Variants in CEP112 observed in about 807,000 individuals in gnomAD.
CEP112 encodes the protein centrosomal protein of 112 kDa.
Under a neutral mutation model 153.0 loss-of-function variants are expected in CEP112, and 127 were observed. That is an observed-to-expected ratio of 0.83 (90% CI 0.72 to 0.96). The LOEUF is 0.96. CEP112 is among the 40% of genes least tolerant of loss of function. The pLI is 0.00. For missense variants in CEP112, 1,089 were observed against 1,101.2 expected (o/e 0.99, Z 0.16); for synonymous variants, 358 against 374.4 (o/e 0.96, Z 0.51).
chr17:65,774,064 G>A (rs957384628), intron 21 of CEP112, among the ~76,000 whole-genome samples: 2 of 147,864 alleles, frequency 1.4e-5, no homozygotes, highest in Admixed American at 1.4e-4. Context: ...TCCAGCCTGG[G>A]TGACAAAGTG....
At chr17:66,129,137 A>T (rs1279506928) in intron 6 of CEP112, among the ~76,000 whole-genome samples, 1 of 152,230 alleles carries the variant, frequency 6.6e-6, no homozygotes, top group Non-Finnish European at 1.5e-5. Context: ...TTTAAAAGCT[A>T]AACTTCTCAA....
intron 21 of CEP112, among the ~76,000 whole-genome samples, chr17:65,762,857 T>C (rs2052696059): frequency 6.6e-6 from 1 of 152,044 alleles, no homozygotes; most frequent in Non-Finnish European, 1.5e-5. Flanking sequence ...GTTAGGTCAA[T>C]TATGAAGAAA....
intron 21 of CEP112, among the ~76,000 whole-genome samples, chr17:65,795,492 T>A (rs944073493): frequency 3.9e-5 from 6 of 152,160 alleles, no homozygotes. Context: ...TTCTTACAAG[T>A]ACTATACTAG....
At chr17:65,898,727 T>A (rs892339281) in intron 20 of CEP112, among the ~76,000 whole-genome samples, 1 of 152,276 alleles carries the variant, frequency 6.6e-6, no homozygotes, top group South Asian at 2.1e-4. Flanking sequence ...TGCATTTAAT[T>A]TGCATGATAC....
chr17:65,780,999 A>G (rs2053964576), intron 21 of CEP112, among the ~76,000 whole-genome samples: 1 of 152,168 alleles, frequency 6.6e-6, no homozygotes, highest in African/African-American at 2.4e-5. Context: ...ATATATTTGC[A>G]CTAAGCTATG....
In CEP112 at chr17:65,897,694, T is replaced by C. The variant is rs1056880996; in HGVS notation, c.2163+4458A>G. Among the ~76,000 whole-genome samples the C allele has an allele frequency of 5.3e-5, 8 of 152,076 alleles. 1 individual carries two copies. The highest frequency in any genetic ancestry group is 1.7e-4 in the African/African-American group (7 of 41,438). On this transcript the variant is annotated intron_variant, in intron 20 of 26. Coordinates refer to ENST00000535342, the MANE Select transcript of CEP112 (RefSeq NM_001199165.4). ...TCTTAAAGCACTTTGTTTTTTGATT[T>C]GAGAATAATAATATTCTCAATAAAT...
intron 20 of CEP112, among the ~76,000 whole-genome samples, chr17:65,866,078 T>C (rs1385177229): frequency 1.3e-5 from 2 of 151,986 alleles, no homozygotes; most frequent in Non-Finnish European, 2.9e-5. Flanking sequence ...TGGGTGCAAC[T>C]GCAGCCACCC....
chr17:66,109,654 G>GTAGAA (rs1254681425), intron 6 of CEP112, among the ~76,000 whole-genome samples: 7 of 152,104 alleles, frequency 4.6e-5, no homozygotes, highest in South Asian at 2.1e-4. Context: ...AAAATAGAGA[G>GTAGAA]TAGAATCCAT....
intron 19 of CEP112, among the ~76,000 whole-genome samples, chr17:65,908,634 C>T (rs944668064): frequency 5.1e-4 from 77 of 151,016 alleles, no homozygotes; most frequent in African/African-American, 1.9e-3. Context: ...GTGGAGGTTG[C>T]GGTGAGCCAA....
chr17:65,841,903 CACAT>C (rs763445111), intron 21 of CEP112, among the ~76,000 whole-genome samples: 1,480 of 130,176 alleles, frequency 0.011, 21 homozygotes, highest in African/African-American at 0.033. Context: ...TGTGTGTACA[CACAT>C]ACACACACAC....
At chr17:65,705,602 T>C (rs1166771111) in intron 23 of CEP112, among the ~76,000 whole-genome samples, 1 of 152,148 alleles carries the variant, frequency 6.6e-6, no homozygotes, top group Non-Finnish European at 1.5e-5. Flanking sequence ...CAGAGGAAGA[T>C]GTTCAATGAC....
At chr17:65,862,452 G>T (rs1045817373) in intron 20 of CEP112, among the ~76,000 whole-genome samples, 4 of 152,136 alleles carry the variant, frequency 2.6e-5, no homozygotes, top group African/African-American at 9.7e-5. Context: ...GCCGGGCGTG[G>T]TGGTGGGCAC....
intron 23 of CEP112, among the ~76,000 whole-genome samples, chr17:65,738,245 T>C (rs1436490522): frequency 2.0e-5 from 3 of 152,172 alleles, no homozygotes; most frequent in South Asian, 2.1e-4. Context: ...CTATAGGATA[T>C]GGTTTAAAAA....
At chr17:65,871,810 T>A (rs1031721833) in intron 20 of CEP112, among the ~76,000 whole-genome samples, 1 of 152,164 alleles carries the variant, frequency 6.6e-6, no homozygotes, top group Non-Finnish European at 1.5e-5. Flanking sequence ...CCCCAAGATA[T>A]CTTCAGTGTC....
At chr17:66,016,597 G>A (rs2064784726) in intron 16 of CEP112, among the ~76,000 whole-genome samples, 1 of 152,042 alleles carries the variant, frequency 6.6e-6, no homozygotes, top group Non-Finnish European at 1.5e-5. Flanking sequence ...TATACAGCCT[G>A]CTTCACTGGT....
chr17:65,798,288 C>G (rs1400638717), intron 21 of CEP112, among the ~76,000 whole-genome samples: 1 of 152,080 alleles, frequency 6.6e-6, no homozygotes, highest in Admixed American at 6.6e-5. Context: ...AAATTTGAAA[C>G]CTATTATCTT....
chr17:65,945,512 A>G (rs535222126), intron 18 of CEP112, among the ~76,000 whole-genome samples: 1 of 152,332 alleles, frequency 6.6e-6, no homozygotes, highest in African/African-American at 2.4e-5. Context: ...AGTATACATC[A>G]GTTTCATTGT....
At chr17:65,932,134 C>T (rs953715669) in intron 18 of CEP112, among the ~76,000 whole-genome samples, 12 of 152,206 alleles carry the variant, frequency 7.9e-5, no homozygotes, top group Admixed American at 6.5e-4. Context: ...CAACCAGGAG[C>T]CACACCTGAC....
intron 6 of CEP112, among the ~76,000 whole-genome samples, chr17:66,123,218 G>A (rs1448062276): frequency 1.3e-5 from 2 of 152,200 alleles, no homozygotes; most frequent in African/African-American, 4.8e-5. Context: ...AGTCTTGGCT[G>A]AGTGGAGGAA....
Sources: allele counts gnomAD v4.1 joint callset (sites outside exome capture counted in the v4.1 genomes callset), GRCh38; gene constraint gnomAD v4.1.1; transcripts MANE v1.5; gene names NCBI Gene and HGNC (gene_info 2026-07-23, HGNC 2026-07-21).